KIR2DL1: variants seen among roughly 807,000 people sequenced by gnomAD.
KIR2DL1 encodes killer cell immunoglobulin like receptor, two Ig domains and long cytoplasmic tail 1.
In KIR2DL1, 38 loss-of-function variants were observed where a neutral mutation model predicts 33.9. That is an observed-to-expected ratio of 1.12 (90% confidence interval 0.86 to 1.47). The LOEUF (loss-of-function observed/expected upper bound fraction) is 1.47. KIR2DL1 is among the 40% of genes most tolerant of loss of function. KIR2DL1 has a pLI of 0.00. For synonymous variants in KIR2DL1, 179 were observed against 165.9 expected (o/e 1.08, Z -0.61); for missense variants, 531 against 433.9 (o/e 1.22, Z -1.99).
At chr19:54,781,447 A>G (rs1022213433) in intron 5 of KIR2DL1, among the ~76,000 whole-genome samples, 17 of 149,966 alleles carry the variant, frequency 1.1e-4, no homozygotes, top group Admixed American at 5.4e-4. Flanking sequence ...TTGCCCACTC[A>G]CCCAAATCCC....
Position 54,783,584 on chromosome 19 carries a change from G to C in KIR2DL1, c.870+46G>C, listed in dbSNP as rs200607425. ...GCTCGTGGCTACTGTTATTCCCAAA[G>C]AGTCCTGGAAAATGTGAGCACCCTC... On this transcript the variant is annotated intron_variant, in intron 7 of 7. Transcript: ENST00000336077. The C allele has an allele frequency of 2.2e-3, 3,513 of 1,613,818 alleles. 76 individuals are homozygous for C. In the African/African-American group the frequency reaches 0.038, roughly 17 times the overall value.
intron 7 of KIR2DL1, 40 bp from the exon 8 acceptor site, chr19:54,783,597 T>G (rs202076408): frequency 6.2e-7 from 1 of 1,613,604 alleles, no homozygotes. Context: ...TCCTGGAAAA[T>G]GTGAGCACCC....
intron 5 of KIR2DL1, among the ~76,000 whole-genome samples, chr19:54,779,737 T>A (rs1273911419): frequency 2.7e-5 from 4 of 149,370 alleles, no homozygotes; most frequent in Admixed American, 6.8e-5. Flanking sequence ...TGGGACAGCA[T>A]TCTCCTGCCT....
intron 5 of KIR2DL1, among the ~76,000 whole-genome samples, chr19:54,782,338 A>G (rs886574560): frequency 9.2e-5 from 14 of 152,012 alleles, no homozygotes; most frequent in Non-Finnish European, 1.8e-4. Context: ...GTAACTTCTA[A>G]AGAAAAGAGA....
At position 54,782,796 on chromosome 19, in the gene KIR2DL1, C is replaced by T. The variant is rs952723299; in HGVS notation, c.716-126C>T. On this transcript the variant is annotated intron_variant, in intron 5 of 7. Transcript: ENST00000336077. The stretch of plus-strand genomic sequence containing the variant: ...AAAAAGCAGGAGAAAGCTGGGTCTC[C>T]TGCCATCTGGGTGCTTGTCCTAAAG... 9 of 994,168 alleles carry T rather than the reference C, an allele frequency of 9.1e-6. No homozygotes were observed. In the African/African-American group the frequency reaches 1.4e-4, roughly 16 times the overall value. The allele number at this position is 994,168 out of a possible 1,614,324, so 61.6% of individuals were successfully genotyped here.
At chr19:54,776,198 C>G (rs2076314298) in intron 4 of KIR2DL1, among the ~76,000 whole-genome samples, 1 of 145,802 alleles carries the variant, frequency 6.9e-6, no homozygotes, top group Non-Finnish European at 1.5e-5. Context: ...CCACATTTAC[C>G]ATTTTTAAGT....
In KIR2DL1 at chr19:54,781,984, AAC is replaced by A. The variant is rs1196180615; in HGVS notation, c.716-932_716-931del. On this transcript the variant is annotated intron_variant, in intron 5 of 7. Coordinates refer to ENST00000336077, the MANE Select transcript of KIR2DL1 (RefSeq NM_014218.3). Reference sequence around the variant, plus strand: ...ACTCACCGTCACTCCAGGGAGACAGAACACACAGAGAATACGTTACATAGGCA... The same window carrying A: ...ACTCACCGTCACTCCAGGGAGACAGAACACAGAGAATACGTTACATAGGCA... Among the ~76,000 whole-genome samples the A allele has an allele frequency of 4.5e-3, 692 of 152,180 alleles. 2 individuals carry two copies. Among genetic ancestry groups the A allele is most frequent in the African/African-American group, 0.016 (659 of 41,482 alleles).
In KIR2DL1 at chr19:54,769,860, T is replaced by C; in HGVS notation, c.10T>C (p.Leu4=). 6.9e-7 allele frequency: 1 copy of C among 1,448,718 alleles called. No homozygotes were observed. 89.7% of individuals were successfully genotyped at this position (1,448,718 alleles called of 1,614,324 possible). Residue 4 remains leucine, a synonymous_variant, in exon 1 of 8, where the codon TTG becomes CTG. Transcript: ENST00000336077. The part of the protein sequence containing the change: MSL[L]VVSMACVGFF... ...CTGCTCCGGCAGCACCATGTCGCTC[T>C]TGGTCGTCAGCATGGCGTGTGTTGG... is the stretch of plus-strand genomic sequence containing the variant.
chr19:54,783,718 C>A lies in KIR2DL1; in HGVS notation c.952C>A (p.Pro318Thr). The part of the protein sequence containing the change: ...CVFTQRKITR[P>T]SQRPKTPPTD... ...TTTCACACAGAGAAAAATCACTCGCCCTTCTCAGAGGCCCAAGACACCCCC... is the reference window on the plus strand; with the variant it reads ...TTTCACACAGAGAAAAATCACTCGCACTTCTCAGAGGCCCAAGACACCCCC... The change falls in exon 8 of 8, where the codon CCT becomes ACT. Residue 318 changes from proline to threonine, a missense_variant. Pro to Thr is a conservative substitution (Grantham distance 38, BLOSUM62 -1). Coordinates refer to ENST00000336077, the MANE Select transcript of KIR2DL1 (RefSeq NM_014218.3). 1.2e-6 allele frequency: 2 copies of A among 1,613,974 alleles called. No homozygotes were observed. The highest frequency in any genetic ancestry group is 2.2e-5 in the South Asian group (2 of 91,068).
At chr19:54,772,278 C>A (rs2075819811) in intron 2 of KIR2DL1, among the ~76,000 whole-genome samples, 1 of 147,108 alleles carries the variant, frequency 6.8e-6, no homozygotes, top group Admixed American at 6.9e-5. Context: ...GAGTCTCCAT[C>A]AGCTTTGAAG....
chr19:54,782,565 G>A (rs1030735229), intron 5 of KIR2DL1, among the ~76,000 whole-genome samples: 2 of 151,998 alleles, frequency 1.3e-5, no homozygotes, highest in African/African-American at 4.8e-5. Flanking sequence ...GGAACTAATA[G>A]AGGGGGAACT....
Position 54,784,283 on chromosome 19 carries a change from A to G in KIR2DL1, c.*470A>G, listed in dbSNP as rs2077438135. ...TTATATATTTTTTAAAATAACTTCA[A>G]TGTAGTTTTCCATCCTTCAAATAAA... On this transcript the variant is annotated 3_prime_UTR_variant, in exon 8 of 8. Transcript: ENST00000336077. The G allele has an allele frequency of 4.0e-6, 1 of 249,056 alleles. No homozygotes were observed. The highest frequency in any genetic ancestry group is 5.2e-5 in the Admixed American group (1 of 19,314). 15.4% of individuals were successfully genotyped at this position (249,056 alleles called of 1,614,324 possible).
chr19:54,782,223 G>A (rs967808152), intron 5 of KIR2DL1, among the ~76,000 whole-genome samples: 2,935 of 149,970 alleles, frequency 0.02, 51 homozygotes, highest in African/African-American at 0.07. Flanking sequence ...CGTCCTCCAG[G>A]AAGAACAGGA....
rs2077352079 is a variant in KIR2DL1, at chr19:54,783,778, G to A, written c.1012G>A (p.Ala338Thr). 1 of 1,613,976 alleles carries A rather than the reference G, an allele frequency of 6.2e-7. No homozygotes were observed. The highest frequency in any genetic ancestry group is 8.5e-7 in the Non-Finnish European group (1 of 1,179,962). Reference sequence around the variant, plus strand: ...CATCGTGTACACGGAACTTCCAAATGCTGAGTCCAGATCCAAAGTTGTCTC... The same window carrying A: ...CATCGTGTACACGGAACTTCCAAATACTGAGTCCAGATCCAAAGTTGTCTC... Reference protein sequence around the residue: ...DIIVYTELPNAESRSKVVSCP With the variant: ...DIIVYTELPNTESRSKVVSCP Residue 338 changes from alanine (A) to threonine (T), a missense_variant, in exon 8 of 8, where the codon GCT becomes ACT. By Grantham distance (58) the Ala-to-Thr change is moderately conservative. Coordinates refer to ENST00000336077, the MANE Select transcript of KIR2DL1 (RefSeq NM_014218.3).
chr19:54,779,244 C>T (rs1209638730), intron 5 of KIR2DL1, among the ~76,000 whole-genome samples: 4 of 148,464 alleles, frequency 2.7e-5, no homozygotes, highest in African/African-American at 7.4e-5. Context: ...TGGGTGAAAA[C>T]AAAACGGTTT....
In KIR2DL1 at chr19:54,784,031, T is replaced by A; in HGVS notation, c.*218T>A. ...CTGCTGGAGAAAAAACACACTCCTT[T>A]GCTTAACCCACAGTTCTCCATTTCA... On this transcript the variant is annotated 3_prime_UTR_variant, in exon 8 of 8. Transcript: ENST00000336077. The A allele has an allele frequency of 1.3e-6, 1 of 749,844 alleles. No individual in the cohort carries two copies. The highest frequency in any genetic ancestry group is 2.2e-6 in the Non-Finnish European group (1 of 459,532). The allele number at this position is 749,844 out of a possible 1,614,324, so 46.4% of individuals were successfully genotyped here.
chr19:54,774,558 TATAG>T lies in KIR2DL1; in HGVS notation c.371-603_371-600del, dbSNP rs1470760098. 7.2e-4 allele frequency among the ~76,000 whole-genome samples: 107 copies of T among 148,012 alleles called. 7 individuals carry two copies. The highest frequency in any genetic ancestry group is 3.6e-3 in the Admixed American group (53 of 14,604). On this transcript the variant is annotated intron_variant, in intron 3 of 7. Transcript: ENST00000336077. ...AATAGGTAGATGATAGATAATAGGT[TATAG>T]ATACATAGATGATGATTGATTGATT...
At chr19:54,776,755 C>G (rs2076393356) in intron 4 of KIR2DL1, among the ~76,000 whole-genome samples, 2 of 146,356 alleles carry the variant, frequency 1.4e-5, no homozygotes, top group South Asian at 4.3e-4. Context: ...ATTTTCCTGC[C>G]TCAGCCTCCC....
At chr19:54,769,908 G>A (rs558425217) in intron 1 of KIR2DL1, 24 bp downstream of exon 1, 2 of 1,560,814 alleles carry the variant, frequency 1.3e-6, no homozygotes, top group Non-Finnish European at 1.8e-6. Flanking sequence ...AGCAATAGAG[G>A]GAGGGAGTGA....
Sources: gnomAD v4.1 joint callset for allele counts (sites outside exome capture counted in the v4.1 genomes callset) on GRCh38, gnomAD v4.1.1 for gene constraint, MANE v1.5 for transcripts, NCBI Gene and HGNC (gene_info 2026-07-23, HGNC 2026-07-21) for gene names.